GTF2I: variants seen among roughly 807,000 people sequenced by gnomAD.
The protein encoded by GTF2I is general transcription factor II-I.
In GTF2I, 12 loss-of-function variants were observed where a neutral mutation model predicts 67.6. The observed-to-expected ratio is 0.18, with a 90% CI of 0.11 to 0.29. The LOEUF (loss-of-function observed/expected upper bound fraction) is 0.29. Ranked by LOEUF, GTF2I falls within the 10% of genes least tolerant of loss-of-function variation. The probability of loss-of-function intolerance (pLI) is 1.00; values close to 1 mark genes in which losing one functional copy is unlikely to be tolerated. For missense variants in GTF2I, 271 were observed against 580.1 expected, an observed-to-expected ratio of 0.47 and a Z score of 5.47; for synonymous variants, 149 against 197.0, an observed-to-expected ratio of 0.76 and a Z score of 2.04.
intron 12 of GTF2I, among the ~76,000 whole-genome samples, chr7:74,722,391 G>A (rs1018829397): frequency 3.1e-4 from 47 of 152,288 alleles, no homozygotes; most frequent in African/African-American, 8.9e-4. Flanking sequence ...GTGAATTGCC[G>A]TCAGGTATGT....
intron 1 of GTF2I, among the ~76,000 whole-genome samples, chr7:74,663,751 T>G (rs1554387495): frequency 6.6e-6 from 1 of 152,156 alleles, no homozygotes. Flanking sequence ...TTAACTAAAG[T>G]GTATTGGGGC....
At chr7:74,690,107 C>T (rs782700959) in intron 2 of GTF2I, among the ~76,000 whole-genome samples, 4 of 151,886 alleles carry the variant, frequency 2.6e-5, no homozygotes, top group Non-Finnish European at 5.9e-5. Context: ...CCCAGTAACC[C>T]GGGAGGCTGA....
chr7:74,662,492 G>A (rs1306056909), intron 1 of GTF2I, among the ~76,000 whole-genome samples: 1 of 129,164 alleles, frequency 7.7e-6, no homozygotes, highest in Non-Finnish European at 1.6e-5. Flanking sequence ...TTACAGGCGT[G>A]AGCCACTGCA....
intron 1 of GTF2I, among the ~76,000 whole-genome samples, chr7:74,675,583 GACTTAAAT>G (rs1215079356): frequency 1.3e-5 from 2 of 152,012 alleles, no homozygotes; most frequent in Admixed American, 1.3e-4. Context: ...TCAGTTCATA[GACTTAAAT>G]ACCATTATAG....
chr7:74,725,464 A>T (rs1282731548), intron 12 of GTF2I, among the ~76,000 whole-genome samples: 1 of 152,022 alleles, frequency 6.6e-6, no homozygotes. Context: ...AGGCAGGAGG[A>T]TCACTTGAGG....
intron 12 of GTF2I, among the ~76,000 whole-genome samples, chr7:74,728,373 T>G (rs1475103626): frequency 6.6e-6 from 1 of 151,488 alleles, no homozygotes; most frequent in Non-Finnish European, 1.5e-5. Context: ...ATGCTTAAAT[T>G]TTGTATAAGC....
chr7:74,759,122 GTCC>G (rs1156579466), intron 34 of GTF2I: 3 of 129,464 alleles, frequency 2.3e-5, no homozygotes, highest in African/African-American at 1.2e-4. Flanking sequence ...AGTCAACGTT[GTCC>G]TCCTCATTGG....
chr7:74,710,354 C>T (rs185889218), intron 8 of GTF2I, among the ~76,000 whole-genome samples: 15 of 152,108 alleles, frequency 9.9e-5, no homozygotes, highest in African/African-American at 2.9e-4. Context: ...GAGAGGGAGT[C>T]TCGCCGTGTC....
At chr7:74,678,772 C>CATAT (rs1218861308) in intron 1 of GTF2I, among the ~76,000 whole-genome samples, 1 of 151,810 alleles carries the variant, frequency 6.6e-6, no homozygotes, top group Non-Finnish European at 1.5e-5. Flanking sequence ...GTAACCTACT[C>CATAT]ATATATATAT....
chr7:74,726,126 G>A (rs1426920610), intron 12 of GTF2I, among the ~76,000 whole-genome samples: 1 of 150,644 alleles, frequency 6.6e-6, no homozygotes, highest in Non-Finnish European at 1.5e-5. Context: ...GTCACTCAAT[G>A]AATAGTCAGC....
At chr7:74,693,432 G>A (rs782162967) in intron 3 of GTF2I, among the ~76,000 whole-genome samples, 72 of 151,782 alleles carry the variant, frequency 4.7e-4, no homozygotes, top group Middle Eastern at 3.4e-3. Context: ...GGGAGTCCTC[G>A]AACGCACACA....
chr7:74,685,732 A>G (rs1470921482), intron 1 of GTF2I, among the ~76,000 whole-genome samples: 1 of 151,784 alleles, frequency 6.6e-6, no homozygotes, highest in Admixed American at 6.6e-5. Context: ...GTGCCACTGC[A>G]CTCCAGCCTC....
intron 1 of GTF2I, among the ~76,000 whole-genome samples, chr7:74,665,984 C>T (rs921864448): frequency 1.3e-5 from 2 of 152,178 alleles, no homozygotes; most frequent in African/African-American, 4.8e-5. Context: ...GGACTACAGG[C>T]GTGCGCCACC....
chr7:74,724,912 G>A (rs1426876654), intron 12 of GTF2I, among the ~76,000 whole-genome samples: 5 of 152,156 alleles, frequency 3.3e-5, no homozygotes, highest in African/African-American at 9.7e-5. Flanking sequence ...CTGGGTGACA[G>A]AGCAAGACTC....
At chr7:74,702,904 T>C (rs1247305975) in intron 6 of GTF2I, among the ~76,000 whole-genome samples, 1 of 152,038 alleles carries the variant, frequency 6.6e-6, no homozygotes, top group Non-Finnish European at 1.5e-5. Flanking sequence ...AGCTCATTTC[T>C]GAACCTTTTT....
At chr7:74,716,752 C>G (rs915716364) in intron 10 of GTF2I, 142 bp from the exon 11 acceptor site, 1 of 561,954 alleles carries the variant, frequency 1.8e-6, no homozygotes, top group African/African-American at 1.9e-5. Flanking sequence ...AAACATTGTT[C>G]GACTTAACTG....
chr7:74,670,041 A>T lies in GTF2I; in HGVS notation c.-6+11973A>T, dbSNP rs914044451. Among the ~76,000 whole-genome samples, 21 of 152,338 alleles carry T rather than the reference A, an allele frequency of 1.4e-4. 1 individual carries two copies. In the South Asian group the frequency reaches 3.7e-3, roughly 27 times the overall value. On this transcript the variant is annotated intron_variant, in intron 1 of 34. Coordinates refer to ENST00000573035, the MANE Select transcript of GTF2I (RefSeq NM_032999.4). ...TAATTAATGCAGTTTGTTGGGAAAT[A>T]AGCTATTTTCAATTTACCAGGCTTG...
chr7:74,717,070 C>T (rs1460943555), intron 11 of GTF2I, 120 bp downstream of exon 11: 4 of 1,382,742 alleles, frequency 2.9e-6, no homozygotes, highest in Non-Finnish European at 3.9e-6. Flanking sequence ...CTTGGTATGC[C>T]TTCCTAGCCA....
chr7:74,691,187 A>G (rs1411916025), intron 3 of GTF2I, 76 bp downstream of exon 3: 2 of 950,376 alleles, frequency 2.1e-6, no homozygotes, highest in South Asian at 1.8e-5. Context: ...AAGTTATATT[A>G]TTTTCTTTCT....
Sources: allele counts gnomAD v4.1 joint callset (sites outside exome capture counted in the v4.1 genomes callset), GRCh38; gene constraint gnomAD v4.1.1; transcripts MANE v1.5; gene names NCBI Gene and HGNC (gene_info 2026-07-23, HGNC 2026-07-21).